Variants in PRKCE observed in about 807,000 individuals in gnomAD.
The protein encoded by PRKCE is protein kinase C epsilon type.
Under a neutral mutation model 85.4 loss-of-function variants are expected in PRKCE, and 16 were observed. The ratio of observed to expected loss-of-function variants is 0.19; its 90% confidence interval spans 0.13 to 0.28. The LOEUF (loss-of-function observed/expected upper bound fraction) is 0.28. Ranked by LOEUF, PRKCE falls within the 10% of genes least tolerant of loss-of-function variation. PRKCE has a pLI of 1.00. For missense variants in PRKCE, 573 were observed against 975.2 expected, an observed-to-expected ratio of 0.59 and a Z score of 5.49; for synonymous variants, 388 against 371.5, an observed-to-expected ratio of 1.04 and a Z score of -0.51.
chr2:45,736,550 C>G (rs1215341975), intron 1 of PRKCE, among the ~76,000 whole-genome samples: 1 of 152,224 alleles, frequency 6.6e-6, no homozygotes, highest in Non-Finnish European at 1.5e-5. Flanking sequence ...CTAAGTTCCC[C>G]TGCCCTGGAG....
chr2:45,941,534 G>A (rs917711465), intron 2 of PRKCE, among the ~76,000 whole-genome samples: 4 of 152,266 alleles, frequency 2.6e-5, no homozygotes, highest in South Asian at 4.2e-4. Flanking sequence ...AAGCAGGGCC[G>A]TGAAGGGGTG....
intron 4 of PRKCE, 140 bp from the exon 5 acceptor site, chr2:45,980,156 T>C: frequency 1.5e-6 from 1 of 667,302 alleles, no homozygotes; most frequent in Non-Finnish European, 2.5e-6. Context: ...ATAAAAGACT[T>C]TAGGGAGGGT....
rs1021411739 is a variant in PRKCE, at chr2:45,830,923, A to C, written c.349-12077A>C. Reference sequence around the variant, plus strand: ...ATCAGAATGTACTGTCCTAGCAAAAACAAGGGAATAACTCAGAATAAGGAA... The same window carrying C: ...ATCAGAATGTACTGTCCTAGCAAAACCAAGGGAATAACTCAGAATAAGGAA... On this transcript the variant is annotated intron_variant, in intron 1 of 14. Coordinates refer to ENST00000306156, the MANE Select transcript of PRKCE (RefSeq NM_005400.3). 2.0e-5 allele frequency among the ~76,000 whole-genome samples: 3 copies of C among 152,262 alleles called. No individual in the cohort carries two copies. The East Asian group carries it at 5.8e-4, about 29-fold the overall frequency.
intron 1 of PRKCE, among the ~76,000 whole-genome samples, chr2:45,658,394 G>T (rs371848764): frequency 2.0e-5 from 3 of 152,312 alleles, no homozygotes; most frequent in East Asian, 3.9e-4. Flanking sequence ...GTCAAGCGTT[G>T]TTTGAACTGT....
intron 10 of PRKCE, among the ~76,000 whole-genome samples, chr2:46,036,955 C>T (rs1707902684): frequency 6.6e-6 from 1 of 152,182 alleles, no homozygotes; most frequent in South Asian, 2.1e-4. Flanking sequence ...TCCCAGTCAG[C>T]TACCTTGGCC....
At chr2:45,783,373 T>A (rs1686347720) in intron 1 of PRKCE, among the ~76,000 whole-genome samples, 1 of 152,184 alleles carries the variant, frequency 6.6e-6, no homozygotes, top group African/African-American at 2.4e-5. Flanking sequence ...TGTGCACACA[T>A]AGACCCCCAC....
intron 1 of PRKCE, among the ~76,000 whole-genome samples, chr2:45,734,792 A>G (rs982867231): frequency 3.9e-5 from 6 of 152,180 alleles, no homozygotes; most frequent in African/African-American, 1.4e-4. Context: ...CCTCCTCCCC[A>G]GGACTATTGC....
At chr2:45,653,020 A>G (rs1045638029) in intron 1 of PRKCE, among the ~76,000 whole-genome samples, 2 of 152,092 alleles carry the variant, frequency 1.3e-5, no homozygotes, top group Admixed American at 6.5e-5. Context: ...TGTCTCCTCT[A>G]TGGTCCCAGA....
In PRKCE at chr2:45,726,786, C is replaced by T. The variant is rs541701318; in HGVS notation, c.348+74338C>T. On this transcript the variant is annotated intron_variant, in intron 1 of 14. Coordinates refer to ENST00000306156, the MANE Select transcript of PRKCE (RefSeq NM_005400.3). ...CCTGTGGCTACTGATCCTATTGCCT[C>T]GGTCATCAGCCCTCCTGTTTTCCTA... Among the ~76,000 whole-genome samples, 8 of 152,062 alleles carry T rather than the reference C, an allele frequency of 5.3e-5. No homozygotes were observed. The East Asian group carries it at 5.8e-4, about 11-fold the overall frequency.
At chr2:46,097,925 C>G (rs568970386) in intron 11 of PRKCE, among the ~76,000 whole-genome samples, 1 of 152,280 alleles carries the variant, frequency 6.6e-6, no homozygotes, top group South Asian at 2.1e-4. Context: ...AGAGGAGAGC[C>G]TGAGCTGGCT....
At chr2:45,711,716 C>G (rs1679653874) in intron 1 of PRKCE, among the ~76,000 whole-genome samples, 1 of 152,172 alleles carries the variant, frequency 6.6e-6, no homozygotes, top group African/African-American at 2.4e-5. Flanking sequence ...CAACCTCTGC[C>G]TCTCTGGTTC....
intron 1 of PRKCE, among the ~76,000 whole-genome samples, chr2:45,779,221 C>T (rs1685990603): frequency 6.6e-6 from 1 of 152,214 alleles, no homozygotes; most frequent in African/African-American, 2.4e-5. Flanking sequence ...TGTCCAGACA[C>T]AGTGGCAAGG....
chr2:45,781,595 A>T (rs1686192794), intron 1 of PRKCE, among the ~76,000 whole-genome samples: 1 of 152,172 alleles, frequency 6.6e-6, no homozygotes, highest in Non-Finnish European at 1.5e-5. Flanking sequence ...TACTCAGAAC[A>T]AGAGATGCTC....
chr2:45,755,137 G>A (rs1471338970), intron 1 of PRKCE, among the ~76,000 whole-genome samples: 2 of 152,172 alleles, frequency 1.3e-5, no homozygotes, highest in Non-Finnish European at 2.9e-5. Flanking sequence ...ACCCAAGGGG[G>A]ATGATTCTGA....
chr2:45,806,924 T>C (rs11886611), intron 1 of PRKCE, among the ~76,000 whole-genome samples: 4 of 152,126 alleles, frequency 2.6e-5, no homozygotes, highest in East Asian at 1.9e-4. Flanking sequence ...CTTTAAATAG[T>C]TGGGCCCCTG....
chr2:45,818,214 C>T (rs999380639), intron 1 of PRKCE, among the ~76,000 whole-genome samples: 6 of 152,216 alleles, frequency 3.9e-5, no homozygotes, highest in African/African-American at 1.2e-4. Context: ...ATTCACAAGA[C>T]ATGTTTTGGT....
rs201250848 is a variant in PRKCE at position 46,184,807 on chromosome 2, G to C, written c.2140G>C (p.Glu714Gln). ...AGAGCCGGTACTCACCCTTGTGGAC[G>C]AAGCAATTGTAAAGCAGATCAACCA... ...REEPVLTLVDEAIVKQINQEE... is the reference protein window; with the variant it reads ...REEPVLTLVDQAIVKQINQEE... The change falls in exon 15 of 15, where the codon GAA becomes CAA. Residue 714 changes from glutamate (E) to glutamine (Q), a missense_variant. Coordinates refer to ENST00000306156, the MANE Select transcript of PRKCE (RefSeq NM_005400.3). The surrounding 1 kb of genome is among the most constrained non-coding windows in gnomAD (Gnocchi z 5.0). 1 of 1,599,774 alleles carries C rather than the reference G, an allele frequency of 6.3e-7. No individual in the cohort carries two copies. The highest frequency in any genetic ancestry group is 8.5e-7 in the Non-Finnish European group (1 of 1,179,954).
intron 1 of PRKCE, among the ~76,000 whole-genome samples, chr2:45,832,617 C>G (rs78163849): frequency 0.14 from 21,195 of 152,100 alleles, 1,790 homozygotes; most frequent in Non-Finnish European, 0.18. Context: ...GGCCAAGGAG[C>G]AACTTTTTAT....
intron 12 of PRKCE, among the ~76,000 whole-genome samples, chr2:46,149,820 T>C (rs1676436264): frequency 6.6e-6 from 1 of 151,452 alleles, no homozygotes; most frequent in African/African-American, 2.4e-5. Context: ...CATATGTGTA[T>C]GGAGAGCAGA....
Sources: gnomAD v4.1 joint callset for allele counts (sites outside exome capture counted in the v4.1 genomes callset) on GRCh38, gnomAD v4.1.1 for gene constraint, Gnocchi (gnomAD v3.1) non-coding constraint, MANE v1.5 for transcripts, NCBI Gene and HGNC (gene_info 2026-07-23, HGNC 2026-07-21) for gene names.